The following RNF216 variants were observed in gnomAD, a reference collection of about 807,000 sequenced individuals.
RNF216 encodes E3 ubiquitin-protein ligase RNF216.
RNF216 carries 72 observed loss-of-function variants against 110.8 expected under a neutral mutation model. The ratio of observed to expected loss-of-function variants is 0.65; its 90% confidence interval spans 0.54 to 0.79. The LOEUF (loss-of-function observed/expected upper bound fraction) is 0.79, where lower values mean the gene tolerates loss of function less well. Among genes scored for constraint, RNF216 ranks in the 30% least tolerant of loss-of-function variants. The pLI is 0.00. For synonymous variants in RNF216, 495 were observed against 407.5 expected (o/e 1.21, Z -2.59); for missense variants, 1,342 against 1,141.2 (o/e 1.18, Z -2.54).
At chr7:5,740,011 A>AC (rs1794663179) in intron 4 of RNF216, among the ~76,000 whole-genome samples, 2 of 150,542 alleles carry the variant, frequency 1.3e-5, no homozygotes, top group Non-Finnish European at 1.5e-5. Context: ...TCAAAAAAAA[A>AC]ACAAACCAAA....
intron 2 of RNF216, among the ~76,000 whole-genome samples, chr7:5,755,979 T>TTC (rs35288893): frequency 0.82 from 124,532 of 151,934 alleles, 52,875 homozygotes; most frequent in Non-Finnish European, 0.92. Flanking sequence ...TGTCTATAGA[T>TTC]TGATATGGTT....
At chr7:5,658,030 G>T (rs868782298) in intron 13 of RNF216, among the ~76,000 whole-genome samples, 113 of 152,354 alleles carry the variant, frequency 7.4e-4, no homozygotes, top group African/African-American at 2.5e-3. Context: ...CATAATGGGG[G>T]TTCAGTGTAA....
intron 2 of RNF216, chr7:5,760,367 T>C: frequency 3.5e-6 from 1 of 283,710 alleles, no homozygotes; most frequent in Non-Finnish European, 7.2e-6. Flanking sequence ...AAATACAAAA[T>C]TAGCAGGGCG....
Position 5,621,837 on chromosome 7 carries a change from C to G in RNF216, c.*1023G>C, listed in dbSNP as rs888237021. 2 of 152,436 alleles carry G rather than the reference C, an allele frequency of 1.3e-5. No individual in the cohort carries two copies. The highest frequency in any genetic ancestry group is 4.8e-5 in the African/African-American group (2 of 41,428). The allele number at this position is 152,436 out of a possible 1,614,324, so 9.4% of individuals were successfully genotyped here. On this transcript the variant is annotated 3_prime_UTR_variant, in exon 17 of 17. Transcript: ENST00000389902. ...GAGGGTGAGTGGGGACATGGCAGGGCTGAGCTGATGCTCAGCTGACTCCAT... is the reference window on the plus strand; with the variant it reads ...GAGGGTGAGTGGGGACATGGCAGGGGTGAGCTGATGCTCAGCTGACTCCAT...
At chr7:5,658,915 G>C (rs927835836) in intron 13 of RNF216, among the ~76,000 whole-genome samples, 1 of 152,156 alleles carries the variant, frequency 6.6e-6, no homozygotes, top group Non-Finnish European at 1.5e-5. Flanking sequence ...AGGAGGCCTG[G>C]AGAGTGCAGC....
At chr7:5,743,690 A>G (rs1794888342) in intron 3 of RNF216, among the ~76,000 whole-genome samples, 1 of 152,246 alleles carries the variant, frequency 6.6e-6, no homozygotes, top group African/African-American at 2.4e-5. Context: ...ATTCAAAGAA[A>G]AGACCTGGAA....
At chr7:5,655,529 C>G (rs1393828729) in intron 13 of RNF216, among the ~76,000 whole-genome samples, 3 of 152,076 alleles carry the variant, frequency 2.0e-5, no homozygotes, top group Non-Finnish European at 4.4e-5. Flanking sequence ...TTGCTTGAAC[C>G]TGGGGGGCGG....
At chr7:5,706,776 G>A (rs562438266) in intron 13 of RNF216, among the ~76,000 whole-genome samples, 1 of 152,278 alleles carries the variant, frequency 6.6e-6, no homozygotes, top group East Asian at 1.9e-4. Flanking sequence ...AAGCATCTTA[G>A]TAGTCACTTG....
rs188350946 is a variant in RNF216 at position 5,623,839 on chromosome 7, C to T, written c.2452+217G>A. Among the ~76,000 whole-genome samples the T allele has an allele frequency of 9.9e-5, 15 of 152,282 alleles. No homozygotes were observed. In the Middle Eastern group the frequency reaches 0.01, roughly 104 times the overall value. Reference sequence around the variant, plus strand: ...AACCCACCCCTTGGGACTTCCTCACCATCAAGGAGATGCCAAAACTATATT... The same window carrying T: ...AACCCACCCCTTGGGACTTCCTCACTATCAAGGAGATGCCAAAACTATATT... On this transcript the variant is annotated intron_variant, in intron 16 of 16. Coordinates refer to ENST00000389902, the MANE Select transcript of RNF216 (RefSeq NM_207111.4).
intron 13 of RNF216, among the ~76,000 whole-genome samples, chr7:5,670,870 T>G (rs1369547993): frequency 6.6e-6 from 1 of 152,190 alleles, no homozygotes; most frequent in East Asian, 1.9e-4. Flanking sequence ...GTAGCCTTTT[T>G]CAGGGGTGAG....
chr7:5,655,522 C>G (rs1788683593), intron 13 of RNF216, among the ~76,000 whole-genome samples: 2 of 152,100 alleles, frequency 1.3e-5, no homozygotes, highest in South Asian at 4.1e-4. Flanking sequence ...AGGAGAATTG[C>G]TTGAACCTGG....
intron 16 of RNF216, 64 bp downstream of exon 16, chr7:5,623,992 G>T: frequency 1.4e-6 from 2 of 1,419,834 alleles, no homozygotes; most frequent in Non-Finnish European, 2.0e-6. Context: ...ACTCAGGGAG[G>T]CCAGCAGAAG....
chr7:5,663,348 A>T (rs776467376), intron 13 of RNF216, among the ~76,000 whole-genome samples: 5 of 152,130 alleles, frequency 3.3e-5, no homozygotes, highest in Non-Finnish European at 5.9e-5. Flanking sequence ...TGGGAGGCCG[A>T]GGCAGGTGGA....
intron 14 of RNF216, among the ~76,000 whole-genome samples, chr7:5,650,419 C>T (rs954291962): frequency 6.6e-6 from 1 of 152,190 alleles, no homozygotes; most frequent in Non-Finnish European, 1.5e-5. Context: ...ATTCTCCTTC[C>T]AAGAAACATC....
At chr7:5,675,819 C>T (rs1790250355) in intron 13 of RNF216, among the ~76,000 whole-genome samples, 1 of 151,056 alleles carries the variant, frequency 6.6e-6, no homozygotes, top group African/African-American at 2.4e-5. Context: ...AAGAGATTCT[C>T]CTGCCTCAGC....
chr7:5,728,894 T>C (rs756360378), intron 7 of RNF216, among the ~76,000 whole-genome samples: 4 of 152,218 alleles, frequency 2.6e-5, no homozygotes, highest in Non-Finnish European at 2.9e-5. Flanking sequence ...CTGTCCTTCA[T>C]GGAAGACGCC....
At chr7:5,724,911 G>A (rs1396162551) in intron 8 of RNF216, among the ~76,000 whole-genome samples, 4 of 152,174 alleles carry the variant, frequency 2.6e-5, no homozygotes, top group Non-Finnish European at 5.9e-5. Flanking sequence ...TTGGAGAAAC[G>A]TGGCTATTAG....
At chr7:5,768,580 G>T (rs1320052746) in intron 1 of RNF216, among the ~76,000 whole-genome samples, 1 of 151,914 alleles carries the variant, frequency 6.6e-6, no homozygotes, top group Non-Finnish European at 1.5e-5. Flanking sequence ...AATTTTGAAG[G>T]CTTGAAATCA....
chr7:5,698,244 G>A (rs1027694190), intron 13 of RNF216, among the ~76,000 whole-genome samples: 1 of 152,150 alleles, frequency 6.6e-6, no homozygotes, highest in Non-Finnish European at 1.5e-5. Context: ...GTTGCAGCTG[G>A]ACTGCATGTA....
Sources: gnomAD v4.1 joint callset for allele counts (sites outside exome capture counted in the v4.1 genomes callset) on GRCh38, gnomAD v4.1.1 for gene constraint, MANE v1.5 for transcripts, NCBI Gene and HGNC (gene_info 2026-07-23, HGNC 2026-07-21) for gene names.